ZNF592: variants seen among roughly 807,000 people sequenced by gnomAD.
ZNF592 encodes the protein zinc finger protein 592.
ZNF592 carries 11 observed loss-of-function variants against 80.3 expected under a neutral mutation model. The observed-to-expected ratio is 0.14, with a 90% CI of 0.09 to 0.23. The LOEUF (loss-of-function observed/expected upper bound fraction) is 0.23, where lower values mean the gene tolerates loss of function less well. Among genes scored for constraint, ZNF592 ranks in the 10% least tolerant of loss-of-function variants. The pLI is 1.00. For synonymous variants in ZNF592, 646 were observed against 640.3 expected (o/e 1.01, Z -0.13); for missense variants, 1,420 against 1,633.9 (o/e 0.87, Z 2.26).
At chr15:84,781,881 A>G (rs1376994339) in intron 3 of ZNF592, among the ~76,000 whole-genome samples, 4 of 152,226 alleles carry the variant, frequency 2.6e-5, no homozygotes, top group Non-Finnish European at 5.9e-5. Flanking sequence ...GGAGACAAGT[A>G]TATTAATTTA....
At chr15:84,788,345 T>C (rs1339143829) in intron 4 of ZNF592, among the ~76,000 whole-genome samples, 4 of 152,240 alleles carry the variant, frequency 2.6e-5, no homozygotes, top group African/African-American at 9.6e-5. Context: ...AAAGGATATT[T>C]TTCTAATTCT....
At chr15:84,788,448 C>T (rs1043001677) in intron 4 of ZNF592, among the ~76,000 whole-genome samples, 4 of 152,196 alleles carry the variant, frequency 2.6e-5, no homozygotes, top group African/African-American at 4.8e-5. Context: ...ATATAGTTTA[C>T]GTTGGAAAAT....
chr15:84,763,322 G>C (rs1262212689), intron 1 of ZNF592, among the ~76,000 whole-genome samples: 1 of 152,234 alleles, frequency 6.6e-6, no homozygotes, highest in Non-Finnish European at 1.5e-5. Flanking sequence ...ACTCAGGTTT[G>C]TTAGCCATTC....
intron 1 of ZNF592, among the ~76,000 whole-genome samples, chr15:84,751,039 T>G (rs1055918723): frequency 1.3e-5 from 2 of 152,202 alleles, no homozygotes; most frequent in Non-Finnish European, 2.9e-5. Flanking sequence ...AAGGCAAGGC[T>G]TTCTGGGTTG....
chr15:84,783,099 A>G lies in ZNF592; in HGVS notation c.424A>G (p.Ser142Gly). 3.1e-6 allele frequency: 5 copies of G among 1,614,178 alleles called. No individual in the cohort carries two copies. Among genetic ancestry groups the G allele is most frequent in the Non-Finnish European group, 4.2e-6 (5 of 1,180,038 alleles). The change falls in exon 4 of 11, where the codon AGT becomes GGT. Residue 142 changes from serine (S) to glycine (G), a missense_variant. Around this residue, in one of 7 missense-constraint regions of ZNF592, gnomAD observed 373 missense variants for 355.5 expected, o/e 1.05. Coordinates refer to ENST00000560079, the MANE Select transcript of ZNF592 (RefSeq NM_014630.3). The surrounding 1 kb of genome is among the most constrained non-coding windows in gnomAD (Gnocchi z 5.0). ...GCCATTACCCACCTTCAACCAGTTC[A>G]GTCCAATCTCCAGCCCAGAACCTGA... ...SEPLPTFNQFSPISSPEPEDP... is the reference protein window; with the variant it reads ...SEPLPTFNQFGPISSPEPEDP...
chr15:84,794,761 GCCACTGCT>G (rs1962848271), intron 5 of ZNF592, among the ~76,000 whole-genome samples: 1 of 152,158 alleles, frequency 6.6e-6, no homozygotes, highest in African/African-American at 2.4e-5. Flanking sequence ...ACAGACGTGA[GCCACTGCT>G]CCCGGCCTGG....
At chr15:84,772,733 A>G (rs1426912541) in intron 2 of ZNF592, among the ~76,000 whole-genome samples, 1 of 152,162 alleles carries the variant, frequency 6.6e-6, no homozygotes, top group Non-Finnish European at 1.5e-5. Flanking sequence ...CAAATTCAAG[A>G]AAACTTTTTT....
At chr15:84,773,584 A>G (rs998319503) in intron 2 of ZNF592, among the ~76,000 whole-genome samples, 1 of 152,074 alleles carries the variant, frequency 6.6e-6, no homozygotes, top group Non-Finnish European at 1.5e-5. Context: ...CATCCAGGGG[A>G]GAAGATCTAC....
intron 5 of ZNF592, among the ~76,000 whole-genome samples, chr15:84,797,305 G>T (rs1280403366): frequency 1.3e-5 from 2 of 152,130 alleles, no homozygotes; most frequent in African/African-American, 4.8e-5. Flanking sequence ...AGTTCCACTG[G>T]ACAACACTAT....
Position 84,798,233 on chromosome 15 carries a change from C to T in ZNF592, c.2577-82C>T. On this transcript the variant is annotated intron_variant, in intron 6 of 10. Transcript: ENST00000560079. This position sits in a 1 kb window ranked among gnomAD's most constrained non-coding sequence, Gnocchi z 4.5. ...CAGGGTAGTGCTTTCCCAAACTTGA[C>T]CCTGGTTCAGAGAGAGCAGAGATGG... 3 of 1,605,144 alleles carry T rather than the reference C, an allele frequency of 1.9e-6. No individual in the cohort carries two copies. Among genetic ancestry groups the T allele is most frequent in the South Asian group, 1.1e-5 (1 of 90,486 alleles).
chr15:84,784,717 C>T lies in ZNF592; in HGVS notation c.2042C>T (p.Pro681Leu), dbSNP rs762779263. ...APAAPAPSSS[P>L]KHGLTSGSAS... ...GCAGCCCCAGCCCCTTCATCCTCTC[C>T]CAAACATGGCCTCACTTCGGGCAGT... Residue 681 changes from proline to leucine, a missense_variant, in exon 4 of 11, where the codon CCC (proline) becomes CTC (leucine). Transcript: ENST00000560079. This position sits in a 1 kb window ranked among gnomAD's most constrained non-coding sequence, Gnocchi z 5.8. 11 of 1,614,088 alleles carry T rather than the reference C, an allele frequency of 6.8e-6. No homozygotes were observed. Among genetic ancestry groups the T allele is most frequent in the Non-Finnish European group, 9.3e-6 (11 of 1,180,034 alleles).
chr15:84,782,103 G>A (rs1032390920), intron 3 of ZNF592, among the ~76,000 whole-genome samples: 11 of 152,160 alleles, frequency 7.2e-5, no homozygotes, highest in Non-Finnish European at 1.5e-4. Context: ...ACCTAGGGAT[G>A]ATATAATTTT....
intron 5 of ZNF592, among the ~76,000 whole-genome samples, chr15:84,791,490 GA>G (rs926909477): frequency 1.3e-5 from 2 of 152,172 alleles, no homozygotes; most frequent in East Asian, 3.9e-4. Context: ...CAAAGTGAGG[GA>G]AAAAACTTCC....
rs773224370 is a variant in ZNF592 at position 84,783,968 on chromosome 15, C to T, written c.1293C>T (p.His431=). 5.0e-6 allele frequency: 8 copies of T among 1,613,148 alleles called. No individual in the cohort carries two copies. In the African/African-American group the frequency reaches 1.1e-4, roughly 22 times the overall value. ...MPGDEVPVEE[H]FPEAGTNSGS... The stretch of plus-strand genomic sequence containing the variant: ...GGGATGAGGTGCCTGTGGAAGAGCA[C>T]TTTCCTGAGGCAGGCACAAATTCAG... Residue 431 remains histidine (H), a synonymous_variant, in exon 4 of 11, where the codon CAC becomes CAT. Transcript: ENST00000560079. The surrounding 1 kb of genome is among the most constrained non-coding windows in gnomAD (Gnocchi z 5.0).
chr15:84,763,737 CA>C (rs1899418252), intron 1 of ZNF592, among the ~76,000 whole-genome samples: 1 of 152,086 alleles, frequency 6.6e-6, no homozygotes. Flanking sequence ...CAAAACTGGA[CA>C]AAAATGAAGT....
intron 1 of ZNF592, among the ~76,000 whole-genome samples, chr15:84,751,141 G>A (rs1899002175): frequency 6.6e-6 from 1 of 152,190 alleles, no homozygotes. Flanking sequence ...CAGCTTTTAG[G>A]AAGGGAAGGC....
Position 84,798,672 on chromosome 15 carries a change from C to T in ZNF592, c.2821C>T (p.Arg941Ter). ...ADTSSSRPGS[R>*]VPTEPPATSV... is the part of the protein sequence containing the mutation. ...CACATCCTCAAGCCGCCCTGGCTCT[C>T]GAGTTCCCACTGAGCCACCAGCCAC... is the stretch of plus-strand genomic sequence containing the variant. The change falls in exon 8 of 11, where the codon CGA (arginine) becomes TGA (stop). Residue 941 changes from arginine to a stop codon, truncating the protein, a stop_gained. Coordinates refer to ENST00000560079, the MANE Select transcript of ZNF592 (RefSeq NM_014630.3). LOFTEE classifies it high-confidence loss of function. The surrounding 1 kb of genome is among the most constrained non-coding windows in gnomAD (Gnocchi z 4.5). The T allele has an allele frequency of 6.2e-7, 1 of 1,613,764 alleles. No individual in the cohort carries two copies. The highest frequency in any genetic ancestry group is 8.5e-7 in the Non-Finnish European group (1 of 1,180,030).
In ZNF592 at chr15:84,802,499, CG is replaced by C; in HGVS notation, c.*108del. ...GCTCTGCCCCCAGTGTGAGTGTGAC[CG>C]GTTGTACCCTGGAGTAGTGTCTGCC... On this transcript the variant is annotated 3_prime_UTR_variant, in exon 11 of 11. Coordinates refer to ENST00000560079, the MANE Select transcript of ZNF592 (RefSeq NM_014630.3). 1 of 1,356,118 alleles carries C rather than the reference CG, an allele frequency of 7.4e-7. No homozygotes were observed. The highest frequency in any genetic ancestry group is 1.4e-5 in the African/African-American group (1 of 69,492). The allele number at this position is 1,356,118 out of a possible 1,614,324, so 84.0% of individuals were successfully genotyped here.
At position 84,804,180 on chromosome 15, in the gene ZNF592, G is replaced by T. The variant is rs1963182345; in HGVS notation, c.*1787G>T. The stretch of plus-strand genomic sequence containing the variant: ...TGCCACTTCCCTGCCTCCCCAGCTG[G>T]CAGTGGGGCAACCCAGGCCTGTTTC... On this transcript the variant is annotated 3_prime_UTR_variant, in exon 11 of 11. Transcript: ENST00000560079. 6.6e-6 allele frequency: 1 copy of T among 152,238 alleles called. No homozygotes were observed. The highest frequency in any genetic ancestry group is 1.5e-5 in the Non-Finnish European group (1 of 68,072). The allele number at this position is 152,238 out of a possible 1,614,324, so 9.4% of individuals were successfully genotyped here. A position where few individuals can be genotyped will look rare whatever the true frequency, so the allele number is the denominator to read the frequency against.
Sources: gnomAD v4.1 joint callset for allele counts (sites outside exome capture counted in the v4.1 genomes callset) on GRCh38, gnomAD v4.1.1 for gene constraint, gnomAD v4.1.1 regional missense constraint, Gnocchi (gnomAD v3.1) non-coding constraint, MANE v1.5 for transcripts, NCBI Gene and HGNC (gene_info 2026-07-23, HGNC 2026-07-21) for gene names.